Variants in OR5V1 observed in about 807,000 individuals in gnomAD.
OR5V1 encodes olfactory receptor 5V1.
For synonymous variants in OR5V1, 134 were observed against 143.2 expected, an observed-to-expected ratio of 0.94 and a Z score of 0.46; for missense variants, 365 against 371.5, an observed-to-expected ratio of 0.98 and a Z score of 0.14.
At position 29,355,085 on chromosome 6, in the gene OR5V1, C is replaced by G; in HGVS notation, c.*145G>C. The stretch of plus-strand genomic sequence containing the variant: ...ATATCTCTCATAGAACTAACTAAAG[C>G]TCAAGAATAAGTACACTTAGACTGG... On this transcript the variant is annotated 3_prime_UTR_variant, in exon 2 of 2. Transcript: ENST00000641768. 2.9e-6 allele frequency: 2 copies of G among 685,746 alleles called. No homozygotes were observed. The highest frequency in any genetic ancestry group is 4.6e-6 in the Non-Finnish European group (2 of 434,018). The allele number at this position is 685,746 out of a possible 1,614,324, so 42.5% of individuals were successfully genotyped here.
chr6:29,360,023 A>G (rs988305528), intron 1 of OR5V1, among the ~76,000 whole-genome samples: 27 of 152,176 alleles, frequency 1.8e-4, no homozygotes, highest in African/African-American at 6.3e-4. Context: ...CTGGCTTAAA[A>G]TTCTCACTGC....
intron 1 of OR5V1, among the ~76,000 whole-genome samples, chr6:29,368,080 T>C (rs988370084): frequency 6.6e-6 from 1 of 152,140 alleles, no homozygotes; most frequent in African/African-American, 2.4e-5. Flanking sequence ...TTAAAGAGTG[T>C]TCTCAAAAAA....
chr6:29,355,064 C>G lies in OR5V1; in HGVS notation c.*166G>C. 1 of 533,492 alleles carries G rather than the reference C, an allele frequency of 1.9e-6. No homozygotes were observed. Among genetic ancestry groups the G allele is most frequent in the African/African-American group, 1.9e-5 (1 of 51,402 alleles). 33.0% of individuals were successfully genotyped at this position (533,492 alleles called of 1,614,324 possible). A position where few individuals can be genotyped will look rare whatever the true frequency, so the allele number is the denominator to read the frequency against. ...TATCTAAAGAGAGCAACATTGATAT[C>G]TCTCATAGAACTAACTAAAGCTCAA... is the stretch of plus-strand genomic sequence containing the variant. On this transcript the variant is annotated 3_prime_UTR_variant, in exon 2 of 2. Coordinates refer to ENST00000641768, the MANE Select transcript of OR5V1 (RefSeq NM_030876.6).
intron 1 of OR5V1, among the ~76,000 whole-genome samples, chr6:29,366,325 T>TAAAAAAAAAAAAAAAAA (rs34270802): frequency 8.0e-6 from 1 of 125,696 alleles, no homozygotes; most frequent in Non-Finnish European, 1.6e-5. Context: ...TAAAGTATAT[T>TAAAAAAAAAAAAAAAAA]AAAAAAAAAA....
Position 29,355,087 on chromosome 6 carries a change from C to T in OR5V1, c.*143G>A. On this transcript the variant is annotated 3_prime_UTR_variant, in exon 2 of 2. Coordinates refer to ENST00000641768, the MANE Select transcript of OR5V1 (RefSeq NM_030876.6). Reference sequence around the variant, plus strand: ...ATCTCTCATAGAACTAACTAAAGCTCAAGAATAAGTACACTTAGACTGGAG... The same window carrying T: ...ATCTCTCATAGAACTAACTAAAGCTTAAGAATAAGTACACTTAGACTGGAG... 4.3e-6 allele frequency: 3 copies of T among 702,002 alleles called. No individual in the cohort carries two copies. The highest frequency in any genetic ancestry group is 6.7e-6 in the Non-Finnish European group (3 of 447,964). 43.5% of individuals were successfully genotyped at this position (702,002 alleles called of 1,614,324 possible). A position where few individuals can be genotyped will look rare whatever the true frequency, so the allele number is the denominator to read the frequency against.
intron 1 of OR5V1, among the ~76,000 whole-genome samples, chr6:29,367,511 CT>C (rs1778911850): frequency 6.6e-6 from 1 of 152,100 alleles, no homozygotes; most frequent in African/African-American, 2.4e-5. Flanking sequence ...TATTTCCTCC[CT>C]TTTTTACATA....
chr6:29,353,943 A>G lies in OR5V1; in HGVS notation c.*1287T>C, dbSNP rs1340273439. 6.6e-6 allele frequency: 1 copy of G among 152,126 alleles called. No homozygotes were observed. Among genetic ancestry groups the G allele is most frequent in the East Asian group, 1.9e-4 (1 of 5,198 alleles). The allele number at this position is 152,126 out of a possible 1,614,324, so 9.4% of individuals were successfully genotyped here. On this transcript the variant is annotated 3_prime_UTR_variant, in exon 2 of 2. Transcript: ENST00000641768. ...AGGAGACTGTACATAACACCATGTT[A>G]AGAAAGTTAACTCAGAAATGATGTG...
intron 1 of OR5V1, among the ~76,000 whole-genome samples, chr6:29,359,584 T>G (rs528736502): frequency 1.3e-5 from 2 of 152,144 alleles, no homozygotes; most frequent in East Asian, 3.9e-4. Flanking sequence ...AGAAGGCAGG[T>G]GATTTCTGCA....
At chr6:29,363,913 C>A (rs1297310782) in intron 1 of OR5V1, among the ~76,000 whole-genome samples, 1 of 152,166 alleles carries the variant, frequency 6.6e-6, no homozygotes, top group Non-Finnish European at 1.5e-5. Flanking sequence ...TCTCACCACT[C>A]CTATTCCACA....
At chr6:29,365,778 A>G (rs978712480) in intron 1 of OR5V1, among the ~76,000 whole-genome samples, 2 of 152,188 alleles carry the variant, frequency 1.3e-5, no homozygotes, top group African/African-American at 4.8e-5. Context: ...CAGAAATACT[A>G]TTTAACCCAG....
chr6:29,364,569 C>T (rs182931401), intron 1 of OR5V1, among the ~76,000 whole-genome samples: 2,624 of 65,854 alleles, frequency 0.04, 787 homozygotes, highest in Middle Eastern at 0.1. Flanking sequence ...GAGGCCGAGG[C>T]GGGCGGATCA....
At chr6:29,363,458 C>A (rs1778681438) in intron 1 of OR5V1, among the ~76,000 whole-genome samples, 1 of 152,152 alleles carries the variant, frequency 6.6e-6, no homozygotes. Context: ...ATGAGGCCAG[C>A]ATCATCCTGA....
intron 1 of OR5V1, among the ~76,000 whole-genome samples, chr6:29,367,444 G>A (rs541492903): frequency 6.6e-6 from 1 of 152,130 alleles, no homozygotes; most frequent in Admixed American, 6.6e-5. Context: ...ATTCAGTAAT[G>A]GATTACTACT....
intron 1 of OR5V1, among the ~76,000 whole-genome samples, chr6:29,366,099 A>C (rs1342386685): frequency 6.6e-6 from 1 of 152,174 alleles, no homozygotes; most frequent in Admixed American, 6.5e-5. Context: ...GTGGGAGTTG[A>C]ACAATGAGAA....
chr6:29,366,835 C>T (rs534684142), intron 1 of OR5V1, among the ~76,000 whole-genome samples: 2 of 152,122 alleles, frequency 1.3e-5, no homozygotes, highest in South Asian at 2.1e-4. Context: ...CTCAAAATAG[C>T]GAAGGAGGAC....
intron 1 of OR5V1, among the ~76,000 whole-genome samples, chr6:29,363,588 AATCTT>A (rs371855725): frequency 4.6e-5 from 7 of 152,150 alleles, no homozygotes; most frequent in South Asian, 2.1e-4. Context: ...GCACATCAAA[AATCTT>A]ATCCACTACA....
In OR5V1 at chr6:29,357,356, C is replaced by T. The variant is rs184141720; in HGVS notation, c.-82-1079G>A. ...CAAGATAAACGTCTGGAAGATGTCA[C>T]GCAGCTAGCAGGTAAAAAAAAGGTA... is the stretch of plus-strand genomic sequence containing the variant. On this transcript the variant is annotated intron_variant, in intron 1 of 1. Coordinates refer to ENST00000641768, the MANE Select transcript of OR5V1 (RefSeq NM_030876.6). Among the ~76,000 whole-genome samples the T allele has an allele frequency of 6.8e-4, 104 of 152,120 alleles. 1 individual carries two copies. Among genetic ancestry groups the T allele is most frequent in the South Asian group, 2.1e-3 (10 of 4,814 alleles).
In OR5V1 at chr6:29,355,610, C is replaced by G; in HGVS notation, c.586G>C (p.Glu196Gln). 6.2e-7 allele frequency: 1 copy of G among 1,613,964 alleles called. No individual in the cohort carries two copies. Among genetic ancestry groups the G allele is most frequent in the Non-Finnish European group, 8.5e-7 (1 of 1,179,894 alleles). The change falls in exon 2 of 2, where the codon GAG (glutamate) becomes CAG (glutamine). Residue 196 changes from glutamate to glutamine, a missense_variant. Glu to Gln is a conservative substitution (Grantham distance 29, BLOSUM62 2). Transcript: ENST00000641768. The part of the protein sequence containing the change: ...ILSCGNTSVN[E>Q]LALLSTGVFI... ...ACCCCAGTGGATAGCAGTGCCAACTCATTGACAGAAGTGTTTCCACAAGAC... is the reference window on the plus strand; with the variant it reads ...ACCCCAGTGGATAGCAGTGCCAACTGATTGACAGAAGTGTTTCCACAAGAC...
At position 29,355,286 on chromosome 6, in the gene OR5V1, T is replaced by C; in HGVS notation, c.910A>G (p.Ile304Val). Reference sequence around the variant, plus strand: ...ATTGGTGGCTGCCACTTGCTCCCTATAGTTTTGACAGCTTCTTTGATGTCC... The same window carrying C: ...ATTGGTGGCTGCCACTTGCTCCCTACAGTTTTGACAGCTTCTTTGATGTCC... ...NKDIKEAVKT[I>V]GSKWQPPISS... The change falls in exon 2 of 2, where the codon ATA becomes GTA. Residue 304 changes from isoleucine to valine, a missense_variant. By Grantham distance (29) the Ile-to-Val change is conservative. Coordinates refer to ENST00000641768, the MANE Select transcript of OR5V1 (RefSeq NM_030876.6). 1.2e-6 allele frequency: 2 copies of C among 1,612,612 alleles called. No homozygotes were observed. The highest frequency in any genetic ancestry group is 1.1e-5 in the South Asian group (1 of 90,634).
Sources: allele counts gnomAD v4.1 joint callset (sites outside exome capture counted in the v4.1 genomes callset), GRCh38; gene constraint gnomAD v4.1.1; transcripts MANE v1.5; gene names NCBI Gene and HGNC (gene_info 2026-07-23, HGNC 2026-07-21).